Variants in CCDC73 observed in about 807,000 individuals in gnomAD.
CCDC73 encodes the protein coiled-coil domain containing 73, also known as coiled-coil domain-containing protein 73.
A neutral mutation model predicts 116.5 loss-of-function variants in CCDC73; 95 were observed. That is an observed-to-expected ratio of 0.82 (90% CI 0.69 to 0.97). The LOEUF is 0.97. Among genes scored for constraint, CCDC73 ranks in the 50% least tolerant of loss-of-function variants. CCDC73 has a pLI of 0.00. For missense variants in CCDC73, 1,066 were observed against 1,206.8 expected, an observed-to-expected ratio of 0.88 and a Z score of 1.73; for synonymous variants, 398 against 401.3, an observed-to-expected ratio of 0.99 and a Z score of 0.10.
At chr11:32,802,065 G>T in the CCDC73 span, among the ~76,000 whole-genome samples, 4 of 152,164 alleles carry the variant, frequency 2.6e-5, no homozygotes, top group African/African-American at 7.2e-5. Flanking sequence ...CTCAATATCT[G>T]TTAATCATAT....
At chr11:32,628,327 T>A (rs1213999161) in intron 14 of CCDC73, among the ~76,000 whole-genome samples, 1 of 152,176 alleles carries the variant, frequency 6.6e-6, no homozygotes, top group Non-Finnish European at 1.5e-5. Context: ...CATCGGAATT[T>A]AGAGAGGCTA....
intron 2 of CCDC73, among the ~76,000 whole-genome samples, chr11:32,754,366 A>C (rs1850313297): frequency 6.6e-6 from 1 of 152,208 alleles, no homozygotes; most frequent in African/African-American, 2.4e-5. Flanking sequence ...CTCAGTACAG[A>C]GAGGCAAATA....
At chr11:32,719,040 A>T (rs1036289702) in intron 2 of CCDC73, among the ~76,000 whole-genome samples, 1 of 152,208 alleles carries the variant, frequency 6.6e-6, no homozygotes, top group African/African-American at 2.4e-5. Context: ...AAAAAGAACA[A>T]GGAGATACAG....
chr11:32,653,968 GA>G lies in CCDC73; in HGVS notation c.834+9del, dbSNP rs757425069. ...ATTTACTGGCTTCCAAATAGCTTAT[GA>G]TTGCTTACCTGTTTTTCTTCTTGAA... On this transcript the variant is annotated intron_variant, in intron 11 of 17. Transcript: ENST00000335185. The G allele has an allele frequency of 2.5e-6, 4 of 1,594,416 alleles. No homozygotes were observed. The highest frequency in any genetic ancestry group is 3.4e-6 in the Non-Finnish European group (4 of 1,172,930).
chr11:32,740,644 C>T (rs1002956426), intron 2 of CCDC73, among the ~76,000 whole-genome samples: 9 of 151,742 alleles, frequency 5.9e-5, no homozygotes, highest in African/African-American at 1.7e-4. Flanking sequence ...CTTTCTGTTG[C>T]TTTTTTGTAT....
chr11:32,607,371 C>G (rs1353501022), intron 17 of CCDC73, among the ~76,000 whole-genome samples: 1 of 152,030 alleles, frequency 6.6e-6, no homozygotes, highest in Non-Finnish European at 1.5e-5. Context: ...GGATTACAGG[C>G]GTGAGCCACC....
intron 14 of CCDC73, among the ~76,000 whole-genome samples, chr11:32,629,437 C>T (rs1224898103): frequency 6.8e-6 from 1 of 147,474 alleles, no homozygotes; most frequent in Non-Finnish European, 1.5e-5. Context: ...TTTTTTGAGG[C>T]GGAGTTTGCC....
At chr11:32,660,905 G>A (rs1211658382) in intron 9 of CCDC73, among the ~76,000 whole-genome samples, 3 of 152,184 alleles carry the variant, frequency 2.0e-5, no homozygotes, top group Non-Finnish European at 4.4e-5. Flanking sequence ...GTACCTCCTT[G>A]GGATGGCTAC....
intron 9 of CCDC73, among the ~76,000 whole-genome samples, chr11:32,674,867 C>T (rs879852425): frequency 2.6e-5 from 4 of 152,300 alleles, no homozygotes; most frequent in East Asian, 1.9e-4. Context: ...AGAAGGCAAG[C>T]GGATACTGAA....
the CCDC73 span, among the ~76,000 whole-genome samples, chr11:32,818,148 C>G: frequency 4.6e-5 from 7 of 152,358 alleles, no homozygotes; most frequent in African/African-American, 9.6e-5. Flanking sequence ...TTTCCGCATG[C>G]AATTTTCTAA....
chr11:32,806,925 G>A, the CCDC73 span, among the ~76,000 whole-genome samples: 1 of 152,146 alleles, frequency 6.6e-6, no homozygotes, highest in South Asian at 2.1e-4. Context: ...GAAGGAAGAC[G>A]AATGCAGAAA....
chr11:32,687,318 A>G (rs911171058), intron 6 of CCDC73, among the ~76,000 whole-genome samples: 3 of 152,168 alleles, frequency 2.0e-5, no homozygotes, highest in African/African-American at 7.2e-5. Flanking sequence ...GTGGGGAGTC[A>G]GAAACTAAGT....
intron 1 of CCDC73, among the ~76,000 whole-genome samples, chr11:32,788,202 G>A (rs1850644735): frequency 1.3e-5 from 2 of 152,136 alleles, no homozygotes; most frequent in Non-Finnish European, 2.9e-5. Context: ...ATATCCTTTG[G>A]AAAAGGCAAG....
chr11:32,620,184 ATTG>A (rs1354347876), intron 14 of CCDC73, among the ~76,000 whole-genome samples: 1 of 152,052 alleles, frequency 6.6e-6, no homozygotes, highest in East Asian at 1.9e-4. Context: ...TGAAGCCTTA[ATTG>A]TTGCTGGAAG....
chr11:32,769,581 A>C (rs991955389), intron 1 of CCDC73, among the ~76,000 whole-genome samples: 11 of 152,216 alleles, frequency 7.2e-5, no homozygotes, highest in African/African-American at 2.7e-4. Context: ...CAAAGATTCA[A>C]GGGATGGAGA....
At chr11:32,690,420 C>T (rs1455082272) in intron 6 of CCDC73, among the ~76,000 whole-genome samples, 1 of 152,166 alleles carries the variant, frequency 6.6e-6, no homozygotes, top group African/African-American at 2.4e-5. Flanking sequence ...TTAACATCCC[C>T]CACCAGAGGG....
intron 1 of CCDC73, among the ~76,000 whole-genome samples, chr11:32,760,597 T>C (rs1048692416): frequency 2.0e-4 from 30 of 152,192 alleles, no homozygotes; most frequent in Non-Finnish European, 4.0e-4. Flanking sequence ...CTTCCTAAAC[T>C]TTGCCTTGAC....
At chr11:32,714,697 A>G (rs1181018255) in intron 3 of CCDC73, among the ~76,000 whole-genome samples, 1 of 152,110 alleles carries the variant, frequency 6.6e-6, no homozygotes, top group Non-Finnish European at 1.5e-5. Flanking sequence ...TCAGAAGCAG[A>G]CATATTCAGA....
intron 9 of CCDC73, among the ~76,000 whole-genome samples, chr11:32,655,697 G>C (rs891918373): frequency 6.6e-6 from 1 of 152,198 alleles, no homozygotes; most frequent in Non-Finnish European, 1.5e-5. Flanking sequence ...GAGTTTGAAT[G>C]TTATACTATA....
Sources: gnomAD v4.1 joint callset for allele counts (sites outside exome capture counted in the v4.1 genomes callset) on GRCh38, gnomAD v4.1.1 for gene constraint, MANE v1.5 for transcripts, NCBI Gene and HGNC (gene_info 2026-07-23, HGNC 2026-07-21) for gene names.